RANBP17: variants seen among roughly 807,000 people sequenced by gnomAD.
The protein encoded by RANBP17 is ran-binding protein 17.
Under a neutral mutation model 141.2 loss-of-function variants are expected in RANBP17, and 158 were observed. The observed-to-expected ratio is 1.12, with a 90% CI of 0.98 to 1.28. The LOEUF (loss-of-function observed/expected upper bound fraction) is 1.28. Ranked by LOEUF, RANBP17 falls within the 50% of genes most tolerant of loss-of-function variation. RANBP17 has a pLI of 0.00. For missense variants in RANBP17, 1,438 were observed against 1,290.7 expected (o/e 1.11, Z -1.75); for synonymous variants, 430 against 450.0 (o/e 0.96, Z 0.56).
intron 14 of RANBP17, among the ~76,000 whole-genome samples, chr5:171,091,655 G>C (rs1225844022): frequency 1.3e-5 from 2 of 152,176 alleles, no homozygotes; most frequent in Non-Finnish European, 2.9e-5. Context: ...GGAGGGACCT[G>C]GTGGGAGGTA....
intron 14 of RANBP17, among the ~76,000 whole-genome samples, chr5:171,160,126 A>G (rs1396197402): frequency 6.6e-6 from 1 of 152,122 alleles, no homozygotes; most frequent in Non-Finnish European, 1.5e-5. Flanking sequence ...CTGGCAATAT[A>G]GGTGATGCAG....
At chr5:171,183,986 G>A (rs1420422273) in intron 18 of RANBP17, among the ~76,000 whole-genome samples, 1 of 152,106 alleles carries the variant, frequency 6.6e-6, no homozygotes, top group Non-Finnish European at 1.5e-5. Flanking sequence ...TGTATGTTGG[G>A]GATGGGGGGA....
chr5:170,994,316 G>C (rs1778689596), intron 14 of RANBP17, among the ~76,000 whole-genome samples: 1 of 152,016 alleles, frequency 6.6e-6, no homozygotes, highest in South Asian at 2.1e-4. Flanking sequence ...TATGTAGAAG[G>C]AAAGAGGAAT....
intron 20 of RANBP17, among the ~76,000 whole-genome samples, chr5:171,212,825 A>G (rs767309123): frequency 3.3e-5 from 5 of 152,190 alleles, no homozygotes; most frequent in Admixed American, 1.3e-4. Context: ...TCCTATATTC[A>G]TATGTCTACT....
At chr5:170,973,182 A>T (rs1050319804) in intron 14 of RANBP17, among the ~76,000 whole-genome samples, 5 of 152,206 alleles carry the variant, frequency 3.3e-5, no homozygotes, top group Non-Finnish European at 7.3e-5. Context: ...ATGGACAAGT[A>T]AGGAAAAAAA....
intron 12 of RANBP17, among the ~76,000 whole-genome samples, chr5:170,931,777 G>T (rs190268883): frequency 0.014 from 2,104 of 151,818 alleles, 25 homozygotes; most frequent in Admixed American, 0.023. Flanking sequence ...TCTCTGTTTT[G>T]GTACCAGTAC....
At chr5:170,930,768 C>T (rs909356881) in intron 12 of RANBP17, among the ~76,000 whole-genome samples, 2 of 152,140 alleles carry the variant, frequency 1.3e-5, no homozygotes, top group Non-Finnish European at 2.9e-5. Flanking sequence ...GCATAGTATT[C>T]CATGGTGTAT....
intron 12 of RANBP17, among the ~76,000 whole-genome samples, chr5:170,942,202 C>T (rs1774378809): frequency 6.6e-6 from 1 of 152,114 alleles, no homozygotes; most frequent in Admixed American, 6.5e-5. Context: ...AAAACCATCA[C>T]CTCCCCTTCC....
intron 5 of RANBP17, among the ~76,000 whole-genome samples, chr5:170,905,712 T>TA (rs1403721630): frequency 6.6e-6 from 1 of 152,074 alleles, no homozygotes; most frequent in South Asian, 2.1e-4. Context: ...AGCTTCCTTC[T>TA]AAAAAAGTAC....
intron 14 of RANBP17, among the ~76,000 whole-genome samples, chr5:171,129,538 T>C (rs936326283): frequency 6.6e-6 from 1 of 152,124 alleles, no homozygotes; most frequent in Admixed American, 6.5e-5. Flanking sequence ...GTGACAGGCA[T>C]TCTGTGCCTA....
At chr5:171,221,997 C>T (rs1043507105) in intron 22 of RANBP17, among the ~76,000 whole-genome samples, 157 bp downstream of exon 22, 2 of 152,202 alleles carry the variant, frequency 1.3e-5, no homozygotes, top group African/African-American at 4.8e-5. Flanking sequence ...ATCATATTGG[C>T]ATCAGGAGAA....
intron 13 of RANBP17, among the ~76,000 whole-genome samples, chr5:170,966,041 G>A (rs1396058255): frequency 2.0e-5 from 3 of 152,096 alleles, no homozygotes; most frequent in South Asian, 2.1e-4. Flanking sequence ...TGAAATTGTG[G>A]CAATAATCAA....
In RANBP17 at chr5:170,919,601, C is replaced by T; in HGVS notation, c.1262C>T (p.Ala421Val). The T allele has an allele frequency of 6.3e-7, 1 of 1,590,374 alleles. No homozygotes were observed. The highest frequency in any genetic ancestry group is 1.2e-5 in the South Asian group (1 of 86,548). ...AFITSRLDSV[A>V]IVVRDHLDDP... is the part of the protein sequence containing the mutation. ...ATCACTTCTCGGTTGGACTCTGTTG[C>T]CATAGTTGTGAGGTATTCAAAAACT... The change falls in exon 11 of 28, where the codon GCC becomes GTC. Residue 421 changes from alanine (A) to valine (V), a missense_variant. Physicochemically the swap from Ala to Val is moderately conservative, Grantham distance 64. Coordinates refer to ENST00000523189, the MANE Select transcript of RANBP17 (RefSeq NM_022897.5).
intron 14 of RANBP17, among the ~76,000 whole-genome samples, chr5:171,130,054 G>T (rs1041418507): frequency 6.6e-6 from 1 of 152,182 alleles, no homozygotes; most frequent in African/African-American, 2.4e-5. Context: ...ATGGTCTGTG[G>T]TGTACATGTT....
At chr5:171,091,130 T>C (rs1164668974) in intron 14 of RANBP17, among the ~76,000 whole-genome samples, 1 of 152,138 alleles carries the variant, frequency 6.6e-6, no homozygotes, top group Non-Finnish European at 1.5e-5. Context: ...AGACATTCAA[T>C]GCCAGCCCAT....
At chr5:170,870,734 C>G (rs1482047397) in intron 1 of RANBP17, among the ~76,000 whole-genome samples, 4 of 152,066 alleles carry the variant, frequency 2.6e-5, no homozygotes, top group African/African-American at 9.7e-5. Context: ...GAGTATATAC[C>G]CAGTAATGAG....
intron 14 of RANBP17, among the ~76,000 whole-genome samples, chr5:171,041,915 C>A (rs759129687): frequency 6.6e-6 from 1 of 151,838 alleles, no homozygotes; most frequent in Non-Finnish European, 1.5e-5. Flanking sequence ...CCCGACAGGC[C>A]CTGGTATGCA....
chr5:171,137,696 G>A (rs927788977), intron 14 of RANBP17, among the ~76,000 whole-genome samples: 1 of 150,680 alleles, frequency 6.6e-6, no homozygotes, highest in Non-Finnish European at 1.5e-5. Flanking sequence ...TGGCCATCTG[G>A]AAATTTGCCA....
intron 16 of RANBP17, among the ~76,000 whole-genome samples, chr5:171,175,609 A>G (rs1309684985): frequency 2.0e-5 from 3 of 152,194 alleles, no homozygotes; most frequent in Non-Finnish European, 2.9e-5. Flanking sequence ...CCCATCAAAA[A>G]GTGGGCGAAG....
Sources: gnomAD v4.1 joint callset for allele counts (sites outside exome capture counted in the v4.1 genomes callset) on GRCh38, gnomAD v4.1.1 for gene constraint, MANE v1.5 for transcripts, NCBI Gene and HGNC (gene_info 2026-07-23, HGNC 2026-07-21) for gene names.